Variants in CAST observed in about 807,000 individuals in gnomAD.
CAST encodes MIR583 host.
A neutral mutation model predicts 119.6 loss-of-function variants in CAST; 76 were observed. That is an observed-to-expected ratio of 0.64 (90% CI 0.53 to 0.77). The LOEUF is 0.77. Ranked by LOEUF, CAST falls within the 30% of genes least tolerant of loss-of-function variation. CAST has a pLI of 0.00. For synonymous variants in CAST, 319 were observed against 331.6 expected (o/e 0.96, Z 0.41); for missense variants, 953 against 946.5 (o/e 1.01, Z -0.09).
chr5:96,324,281 T>C, the CAST span, among the ~76,000 whole-genome samples: 2 of 152,234 alleles, frequency 1.3e-5, no homozygotes, highest in African/African-American at 4.8e-5. Context: ...TCTCTGACAT[T>C]CTAAGTCTGA....
chr5:96,361,580 G>T, the CAST span, among the ~76,000 whole-genome samples: 4 of 152,142 alleles, frequency 2.6e-5, no homozygotes, highest in Non-Finnish European at 5.9e-5. Flanking sequence ...CCTTGGCTAG[G>T]GGAGGGAGTT....
At chr5:96,185,542 G>T in the CAST span, among the ~76,000 whole-genome samples, 1 of 152,104 alleles carries the variant, frequency 6.6e-6, no homozygotes, top group Non-Finnish European at 1.5e-5. Flanking sequence ...ATAAGGAAGG[G>T]GTCCAGTTTC....
the CAST span, among the ~76,000 whole-genome samples, chr5:96,374,538 T>G: frequency 1.3e-5 from 2 of 152,334 alleles, no homozygotes; most frequent in South Asian, 4.1e-4. Context: ...CTAGACTCTC[T>G]GCATCAATCT....
the CAST span, among the ~76,000 whole-genome samples, chr5:95,965,617 C>T: frequency 6.6e-6 from 1 of 152,214 alleles, no homozygotes; most frequent in Non-Finnish European, 1.5e-5. Context: ...CTTTTAAATT[C>T]TCTTCCCCAG....
chr5:95,966,830 T>C, the CAST span, among the ~76,000 whole-genome samples: 2 of 152,214 alleles, frequency 1.3e-5, no homozygotes, highest in African/African-American at 4.8e-5. Flanking sequence ...GAAAGTTGTA[T>C]GTCCTTTGGA....
chr5:96,454,397 T>C, the CAST span, among the ~76,000 whole-genome samples: 1 of 152,262 alleles, frequency 6.6e-6, no homozygotes, highest in Non-Finnish European at 1.5e-5. Context: ...GCTACTTTTA[T>C]GTTTTTATTA....
chr5:96,736,055 CG>C (rs541706248), intron 9 of CAST, 116 bp from the exon 10 acceptor site: 1 of 629,762 alleles, frequency 1.6e-6, no homozygotes, highest in Non-Finnish European at 2.8e-6. Context: ...TGCTGTAGAG[CG>C]GATGTTCAGT....
the CAST span, among the ~76,000 whole-genome samples, chr5:96,063,860 A>C: frequency 6.6e-6 from 1 of 152,164 alleles, no homozygotes; most frequent in Non-Finnish European, 1.5e-5. Flanking sequence ...TTTGAGATTT[A>C]TCATTCTGCC....
chr5:96,143,837 G>A, the CAST span, among the ~76,000 whole-genome samples: 1 of 152,054 alleles, frequency 6.6e-6, no homozygotes, highest in Non-Finnish European at 1.5e-5. Flanking sequence ...TTTGGATGAT[G>A]TGAAAAACAA....
chr5:96,008,856 C>T, the CAST span, among the ~76,000 whole-genome samples: 2 of 152,176 alleles, frequency 1.3e-5, no homozygotes. Flanking sequence ...ACAAGGAGTA[C>T]ATATGTAAGT....
intron 1 of CAST, among the ~76,000 whole-genome samples, chr5:96,594,562 T>C (rs1747020479): frequency 6.6e-6 from 1 of 152,226 alleles, no homozygotes; most frequent in Non-Finnish European, 1.5e-5. Context: ...AATTTTAATT[T>C]TTTATTTACT....
the CAST span, among the ~76,000 whole-genome samples, chr5:96,186,323 T>C: frequency 6.6e-6 from 1 of 152,144 alleles, no homozygotes; most frequent in Non-Finnish European, 1.5e-5. Context: ...TCCCTTCCTG[T>C]TTGAATACCC....
the CAST span, among the ~76,000 whole-genome samples, chr5:96,194,415 CA>C: frequency 6.6e-6 from 1 of 152,088 alleles, no homozygotes; most frequent in African/African-American, 2.4e-5. Context: ...ATTTGTGAGC[CA>C]TGGTATCTTA....
At chr5:96,236,647 C>G in the CAST span, among the ~76,000 whole-genome samples, 1 of 152,172 alleles carries the variant, frequency 6.6e-6, no homozygotes. Context: ...TTCTGCTGAA[C>G]TTTCTGATAA....
the CAST span, among the ~76,000 whole-genome samples, chr5:96,212,811 C>T: frequency 0.12 from 18,287 of 152,054 alleles, 1,524 homozygotes; most frequent in East Asian, 0.22. Flanking sequence ...TTGGTAGAGT[C>T]ACCCTTCTAA....
chr5:96,174,870 G>A, the CAST span, among the ~76,000 whole-genome samples: 1 of 151,854 alleles, frequency 6.6e-6, no homozygotes. Flanking sequence ...TATATTTAAA[G>A]GTTTTCTTTT....
At chr5:96,148,233 G>A in the CAST span, among the ~76,000 whole-genome samples, 1 of 152,114 alleles carries the variant, frequency 6.6e-6, no homozygotes. Flanking sequence ...TTTTAATTTT[G>A]TCTCTCAAAT....
At chr5:96,667,876 G>A (rs562549336) in intron 1 of CAST, among the ~76,000 whole-genome samples, 102 of 152,262 alleles carry the variant, frequency 6.7e-4, no homozygotes, top group Non-Finnish European at 1.0e-3. Flanking sequence ...TTAGCTGGGC[G>A]TGGTGGCAGG....
the CAST span, among the ~76,000 whole-genome samples, chr5:96,201,746 A>G: frequency 6.6e-6 from 1 of 151,972 alleles, no homozygotes; most frequent in African/African-American, 2.4e-5. Context: ...AGCCTTAGCT[A>G]TTGTTGAATG....
Sources: gnomAD v4.1 joint callset for allele counts (sites outside exome capture counted in the v4.1 genomes callset) on GRCh38, gnomAD v4.1.1 for gene constraint, MANE v1.5 for transcripts, NCBI Gene and HGNC (gene_info 2026-07-23, HGNC 2026-07-21) for gene names.